Variants in TRMT44 observed in about 807,000 individuals in gnomAD.
TRMT44 encodes the protein tRNA methyltransferase 44 homolog, also known as probable tRNA (uracil-O(2)-)-methyltransferase.
Under a neutral mutation model 77.3 loss-of-function variants are expected in TRMT44, and 78 were observed. The observed-to-expected ratio is 1.01, with a 90% CI of 0.84 to 1.22. The LOEUF is 1.22. Among genes scored for constraint, TRMT44 ranks in the 50% most tolerant of loss-of-function variants. The probability of loss-of-function intolerance (pLI) is 0.00; values close to 1 mark genes in which losing one functional copy is unlikely to be tolerated. For missense variants in TRMT44, 1,090 were observed against 964.4 expected (o/e 1.13, Z -1.73); for synonymous variants, 391 against 383.3 (o/e 1.02, Z -0.23).
chr4:8,512,874 G>T, the TRMT44 span, among the ~76,000 whole-genome samples: 2 of 152,262 alleles, frequency 1.3e-5, no homozygotes, highest in East Asian at 3.9e-4. Flanking sequence ...ATGTTCCATT[G>T]TGTTTTTGTT....
intron 6 of TRMT44, among the ~76,000 whole-genome samples, chr4:8,460,305 T>C (rs774566433): frequency 2.0e-5 from 3 of 152,100 alleles, no homozygotes; most frequent in Non-Finnish European, 4.4e-5. Context: ...GGGCAGAATG[T>C]TGTTTTATGA....
rs1727025904 is a variant in TRMT44, at chr4:8,471,851, G to C, written c.2044+651G>C. ...CTGGAGCCGGTGGTGCAGTGAGGGAGGGGGGAGATGTAGCAGGTGCTCACC... is the reference window on the plus strand; with the variant it reads ...CTGGAGCCGGTGGTGCAGTGAGGGACGGGGGAGATGTAGCAGGTGCTCACC... On this transcript the variant is annotated intron_variant, in intron 10 of 10. Coordinates refer to ENST00000389737, the MANE Select transcript of TRMT44 (RefSeq NM_152544.3). 3.3e-5 allele frequency among the ~76,000 whole-genome samples: 5 copies of C among 152,290 alleles called. 1 individual carries two copies. In the South Asian group the frequency reaches 1.0e-3, roughly 32 times the overall value.
chr4:8,469,976 C>G (rs979279430), intron 9 of TRMT44, among the ~76,000 whole-genome samples: 1 of 152,228 alleles, frequency 6.6e-6, no homozygotes, highest in Non-Finnish European at 1.5e-5. Flanking sequence ...CCTCAAGAGG[C>G]TCCAAGTCCT....
At chr4:8,495,246 AC>A (rs1336622810), downstream of TRMT44, among the ~76,000 whole-genome samples, 3 of 152,072 alleles carry the variant, frequency 2.0e-5, no homozygotes, top group African/African-American at 7.3e-5. Flanking sequence ...TCATAGGTAA[AC>A]CCCCATGGGG....
chr4:8,495,808 C>T (rs972516062), downstream of TRMT44, among the ~76,000 whole-genome samples: 17 of 152,336 alleles, frequency 1.1e-4, 1 homozygote, highest in African/African-American at 2.6e-4. Flanking sequence ...TTCAACCCCT[C>T]CTTTTTTTGC....
intron 1 of TRMT44, among the ~76,000 whole-genome samples, chr4:8,441,766 C>G (rs2109072257): frequency 6.6e-6 from 1 of 152,244 alleles, no homozygotes; most frequent in East Asian, 1.9e-4. Flanking sequence ...GTAGGGTACT[C>G]AAAGTCCGGT....
chr4:8,486,126 A>G (rs997963052), intron 2 of TRMT44, among the ~76,000 whole-genome samples: 1 of 152,196 alleles, frequency 6.6e-6, no homozygotes, highest in Non-Finnish European at 1.5e-5. Context: ...AGTGGCTGCC[A>G]GGTGAGTTGA....
intron 8 of TRMT44, 119 bp downstream of exon 8, chr4:8,465,680 G>C: frequency 1.1e-6 from 1 of 913,338 alleles, no homozygotes; most frequent in Non-Finnish European, 1.6e-6. Flanking sequence ...GAACGTGCCG[G>C]TGCTGATTTC....
At chr4:8,467,847 A>T in intron 8 of TRMT44, 67 bp from the exon 9 acceptor site, 1 of 1,457,016 alleles carries the variant, frequency 6.9e-7, no homozygotes, top group South Asian at 1.4e-5. Context: ...AGGATGAGAG[A>T]ATTCCATGGA....
Position 8,440,931 on chromosome 4 carries a change from C to A in TRMT44, c.109C>A (p.Arg37=). 6.5e-7 allele frequency: 1 copy of A among 1,530,202 alleles called. No homozygotes were observed. The highest frequency in any genetic ancestry group is 1.2e-5 in the South Asian group (1 of 83,324). 94.8% of individuals were successfully genotyped at this position (1,530,202 alleles called of 1,614,324 possible). A position where few individuals can be genotyped will look rare whatever the true frequency, so the allele number is the denominator to read the frequency against. Residue 37 remains arginine (R), a synonymous_variant, in exon 1 of 11, where the codon CGG becomes AGG. Transcript: ENST00000389737. ...GGAGAGGCCGCAGGTGGCAAACAAA[C>A]GGCTTTGCGGCGCCCGCCTGGAGGC... The part of the protein sequence containing the change: ...WLERPQVANK[R]LCGARLEARW...
At chr4:8,478,022 C>G (rs1401480127), downstream of TRMT44, 1 of 153,168 alleles carries the variant, frequency 6.5e-6, no homozygotes, top group Non-Finnish European at 1.5e-5. Flanking sequence ...TCTGCCAGGC[C>G]CAGGATGGCT....
intron 6 of TRMT44, among the ~76,000 whole-genome samples, chr4:8,455,350 A>AC (rs911798185): frequency 1.3e-5 from 2 of 152,084 alleles, no homozygotes; most frequent in Non-Finnish European, 2.9e-5. Context: ...TTCTTGGAGC[A>AC]CCCCCATGAG....
downstream of TRMT44, chr4:8,478,351 C>G (rs1403665331): frequency 6.5e-6 from 1 of 152,696 alleles, no homozygotes; most frequent in Non-Finnish European, 1.5e-5. Context: ...CCTGCCAGGC[C>G]AAGAGCTATG....
chr4:8,441,460 T>G lies in TRMT44; in HGVS notation c.619+19T>G, dbSNP rs576712350. 2.0e-6 allele frequency: 3 copies of G among 1,480,838 alleles called. No individual in the cohort carries two copies. The highest frequency in any genetic ancestry group is 5.0e-5 in the East Asian group (2 of 40,088). 91.7% of individuals were successfully genotyped at this position (1,480,838 alleles called of 1,614,324 possible). A position where few individuals can be genotyped will look rare whatever the true frequency, so the allele number is the denominator to read the frequency against. On this transcript the variant is annotated intron_variant, in intron 1 of 10. Coordinates refer to ENST00000389737, the MANE Select transcript of TRMT44 (RefSeq NM_152544.3). ...GTGCAAGGTAAGAGTGTTTTGATAG[T>G]GGACGGATATGATTAGATAAAAAAG...
chr4:8,464,424 GT>G (rs769543122), intron 7 of TRMT44, among the ~76,000 whole-genome samples: 2 of 152,164 alleles, frequency 1.3e-5, no homozygotes, highest in Non-Finnish European at 2.9e-5. Flanking sequence ...CTTTTTGGAA[GT>G]TTTTTTCTGA....
Position 8,463,979 on chromosome 4 carries a change from C to T in TRMT44, c.1204-6C>T. ...AACATTTCGTCTTGTTTTGTTATTCCTTTAGGAAGATGCAATCACACCCAA... is the reference window on the plus strand; with the variant it reads ...AACATTTCGTCTTGTTTTGTTATTCTTTTAGGAAGATGCAATCACACCCAA... On this transcript the variant is annotated splice_polypyrimidine_tract_variant and splice_region_variant and intron_variant, in intron 6 of 10. Transcript: ENST00000389737. 6.2e-7 allele frequency: 1 copy of T among 1,611,486 alleles called. No individual in the cohort carries two copies. Among genetic ancestry groups the T allele is most frequent in the Non-Finnish European group, 8.5e-7 (1 of 1,177,978 alleles).
chr4:8,514,906 G>A, the TRMT44 span, among the ~76,000 whole-genome samples: 3 of 152,220 alleles, frequency 2.0e-5, no homozygotes, highest in African/African-American at 7.2e-5. Flanking sequence ...GTGTGGAGCC[G>A]CAGAGTGATG....
chr4:8,498,953 G>A, the TRMT44 span, among the ~76,000 whole-genome samples: 1 of 152,142 alleles, frequency 6.6e-6, no homozygotes, highest in African/African-American at 2.4e-5. This position sits in a 1 kb window ranked among gnomAD's most constrained non-coding sequence, Gnocchi z 4.3. Flanking sequence ...CCTTGAGCTG[G>A]AGCTTGAGAG....
chr4:8,468,612 G>A (rs899381706), intron 9 of TRMT44: 1 of 579,370 alleles, frequency 1.7e-6, no homozygotes, highest in Non-Finnish European at 3.1e-6. Context: ...CAGGTTTAGG[G>A]GCTAGAACTA....
Sources: allele counts gnomAD v4.1 joint callset (sites outside exome capture counted in the v4.1 genomes callset), GRCh38; gene constraint gnomAD v4.1.1; non-coding constraint Gnocchi (gnomAD v3.1); transcripts MANE v1.5; gene names NCBI Gene and HGNC (gene_info 2026-07-23, HGNC 2026-07-21).